RBFOX1: variants seen among roughly 807,000 people sequenced by gnomAD.
RBFOX1 encodes the protein RNA binding fox-1 homolog 1.
RBFOX1 carries 8 observed loss-of-function variants against 57.7 expected under a neutral mutation model. The ratio of observed to expected loss-of-function variants is 0.14; its 90% CI spans 0.08 to 0.25. The LOEUF (loss-of-function observed/expected upper bound fraction) is 0.25, where lower values mean the gene tolerates loss of function less well. Ranked by LOEUF, RBFOX1 falls within the 10% of genes least tolerant of loss-of-function variation. The probability of loss-of-function intolerance (pLI) is 1.00; values close to 1 mark genes in which losing one functional copy is unlikely to be tolerated. For synonymous variants in RBFOX1, 326 were observed against 222.4 expected, an observed-to-expected ratio of 1.47 and a Z score of -4.15; for missense variants, 611 against 548.5, an observed-to-expected ratio of 1.11 and a Z score of -1.14.
At chr16:6,950,798 A>G (rs994328828) in intron 3 of RBFOX1, among the ~76,000 whole-genome samples, 1 of 152,200 alleles carries the variant, frequency 6.6e-6, no homozygotes, top group East Asian at 1.9e-4. Flanking sequence ...ATGCTCTATC[A>G]CAACAGATGC....
At chr16:6,747,157 C>G (rs930990746) in intron 3 of RBFOX1, among the ~76,000 whole-genome samples, 1 of 152,148 alleles carries the variant, frequency 6.6e-6, no homozygotes, top group African/African-American at 2.4e-5. Flanking sequence ...CGCCTATAAT[C>G]CCAACACTTT....
At chr16:5,686,775 A>G (rs758117605) in intron 3 of RBFOX1, among the ~76,000 whole-genome samples, 8 of 152,138 alleles carry the variant, frequency 5.3e-5, no homozygotes, top group Non-Finnish European at 1.2e-4. Context: ...TTTTTCCAGT[A>G]GAAATTCCAT....
chr16:6,500,155 A>G (rs2095871336), intron 2 of RBFOX1, among the ~76,000 whole-genome samples: 1 of 152,208 alleles, frequency 6.6e-6, no homozygotes, highest in Non-Finnish European at 1.5e-5. Context: ...GAAACCTTTG[A>G]GTCACGCCAA....
intron 4 of RBFOX1, among the ~76,000 whole-genome samples, chr16:5,894,759 C>T (rs939972421): frequency 2.0e-5 from 3 of 152,112 alleles, no homozygotes; most frequent in Non-Finnish European, 4.4e-5. Context: ...TGGTGGCTCA[C>T]GCCTGTAATC....
At chr16:6,805,808 C>A (rs1448787183) in intron 3 of RBFOX1, among the ~76,000 whole-genome samples, 1 of 152,178 alleles carries the variant, frequency 6.6e-6, no homozygotes, top group African/African-American at 2.4e-5. Flanking sequence ...TTCACATCTT[C>A]GCTGCCCTGT....
intron 4 of RBFOX1, among the ~76,000 whole-genome samples, chr16:7,174,192 T>C (rs2081237931): frequency 6.6e-6 from 1 of 152,082 alleles, no homozygotes; most frequent in Non-Finnish European, 1.5e-5. Context: ...AACTTTTTTT[T>C]TTCGTGAACA....
intron 3 of RBFOX1, among the ~76,000 whole-genome samples, chr16:6,808,054 A>G (rs536465479): frequency 1.5e-4 from 23 of 150,714 alleles, no homozygotes; most frequent in Non-Finnish European, 2.2e-4. Context: ...ATACTATCCT[A>G]TACAATAGAA....
intron 1 of RBFOX1, among the ~76,000 whole-genome samples, chr16:6,255,757 C>G (rs1011097115): frequency 1.2e-4 from 18 of 151,998 alleles, no homozygotes; most frequent in African/African-American, 4.1e-4. Context: ...ATGGATGAAG[C>G]TGGAAACCGT....
At chr16:6,467,081 C>A (rs2095066298) in intron 2 of RBFOX1, among the ~76,000 whole-genome samples, 1 of 150,356 alleles carries the variant, frequency 6.7e-6, no homozygotes, top group Admixed American at 6.6e-5. Context: ...ATATACTAAC[C>A]ATTTAATGTA....
chr16:6,822,163 G>A (rs1444391996), intron 3 of RBFOX1, among the ~76,000 whole-genome samples: 1 of 152,158 alleles, frequency 6.6e-6, no homozygotes, highest in East Asian at 1.9e-4. Context: ...CGTGTGCCAA[G>A]TCGAGGCATT....
intron 2 of RBFOX1, among the ~76,000 whole-genome samples, chr16:6,368,897 G>A (rs779211142): frequency 7.9e-5 from 12 of 152,144 alleles, no homozygotes; most frequent in Non-Finnish European, 1.6e-4. Context: ...GTAAAGTAAC[G>A]CAGTGGAATA....
At chr16:6,235,156 T>C (rs1228951693) in intron 1 of RBFOX1, among the ~76,000 whole-genome samples, 1 of 152,216 alleles carries the variant, frequency 6.6e-6, no homozygotes, top group Non-Finnish European at 1.5e-5. Flanking sequence ...CCTGAAATTC[T>C]TGTTGGCTCT....
intron 1 of RBFOX1, among the ~76,000 whole-genome samples, chr16:6,137,067 C>G (rs1056587478): frequency 1.8e-4 from 28 of 152,186 alleles, no homozygotes; most frequent in African/African-American, 6.5e-4. Flanking sequence ...TTTCAAGAAT[C>G]TAATCTATCA....
chr16:6,249,772 C>CTTTTTTTT (rs55802545), intron 1 of RBFOX1, among the ~76,000 whole-genome samples: 1 of 140,666 alleles, frequency 7.1e-6, no homozygotes. Flanking sequence ...CATTTTTTTT[C>CTTTTTTTT]TTTTTTTTTT....
chr16:7,399,942 G>A (rs2098212932), intron 4 of RBFOX1, among the ~76,000 whole-genome samples: 1 of 152,128 alleles, frequency 6.6e-6, no homozygotes, highest in South Asian at 2.1e-4. Flanking sequence ...TTCTGTGGGC[G>A]ATGACTATGT....
chr16:7,164,339 C>G (rs1601577510), intron 4 of RBFOX1, among the ~76,000 whole-genome samples: 2 of 152,130 alleles, frequency 1.3e-5, no homozygotes, highest in Non-Finnish European at 2.9e-5. Context: ...TCTGTATATA[C>G]CACATTTTCT....
chr16:6,989,006 A>AC (rs1023772377), intron 3 of RBFOX1, among the ~76,000 whole-genome samples: 4 of 151,370 alleles, frequency 2.6e-5, no homozygotes, highest in African/African-American at 9.7e-5. Context: ...GAGGTGATCC[A>AC]CCCCCCTCGG....
At chr16:5,736,656 G>A (rs1323352872) in intron 3 of RBFOX1, among the ~76,000 whole-genome samples, 1 of 151,954 alleles carries the variant, frequency 6.6e-6, no homozygotes. Flanking sequence ...CTGTCACCTG[G>A]CATTTTCCTG....
chr16:7,190,471 A>G (rs2085098591), intron 4 of RBFOX1, among the ~76,000 whole-genome samples: 1 of 152,072 alleles, frequency 6.6e-6, no homozygotes, highest in South Asian at 2.1e-4. Context: ...CCCAACAGGT[A>G]TTTTTACATA....
Sources: allele counts gnomAD v4.1 joint callset (sites outside exome capture counted in the v4.1 genomes callset), GRCh38; gene constraint gnomAD v4.1.1; transcripts MANE v1.5; gene names NCBI Gene and HGNC (gene_info 2026-07-23, HGNC 2026-07-21).